The following CSMD1 variants were observed in gnomAD, a reference collection of about 807,000 sequenced individuals.
The protein encoded by CSMD1 is CUB and Sushi multiple domains 1.
CSMD1 carries 213 observed loss-of-function variants against 417.5 expected under a neutral mutation model. The observed-to-expected ratio is 0.51, with a 90% CI of 0.46 to 0.57. The LOEUF (loss-of-function observed/expected upper bound fraction) is 0.57, where lower values mean the gene tolerates loss of function less well. Ranked by LOEUF, CSMD1 falls within the 20% of genes least tolerant of loss-of-function variation. CSMD1 has a pLI of 0.00. For missense variants in CSMD1, 6,923 were observed against 4,529.7 expected, an observed-to-expected ratio of 1.53 and a Z score of -15.17; for synonymous variants, 2,862 against 1,736.8, an observed-to-expected ratio of 1.65 and a Z score of -16.11.
At chr8:4,284,946 T>C (rs897079087) in intron 3 of CSMD1, among the ~76,000 whole-genome samples, 1 of 152,176 alleles carries the variant, frequency 6.6e-6, no homozygotes, top group South Asian at 2.1e-4. Context: ...CTGTAAGACC[T>C]TGGGCAAAGT....
At chr8:3,961,523 G>C (rs982811526) in intron 5 of CSMD1, among the ~76,000 whole-genome samples, 1 of 152,080 alleles carries the variant, frequency 6.6e-6, no homozygotes, top group African/African-American at 2.4e-5. Flanking sequence ...TTCTTGCTTT[G>C]TGAAGACAAT....
chr8:3,307,662 C>G lies in CSMD1; in HGVS notation c.3950+33G>C, dbSNP rs749203685. ...CAAGAATAGAAGGCATATCTCTTTT[C>G]TCAAATCACTGAAACCAAAATAAAA... On this transcript the variant is annotated intron_variant, in intron 25 of 69. Transcript: ENST00000635120. 6.2e-6 allele frequency: 10 copies of G among 1,605,338 alleles called. No homozygotes were observed. In the East Asian group the frequency reaches 1.6e-4, roughly 25 times the overall value.
intron 3 of CSMD1, among the ~76,000 whole-genome samples, chr8:4,312,478 T>TATATATGCGCGTATATATATATAC (rs1585210339): frequency 1.4e-5 from 2 of 142,006 alleles, no homozygotes; most frequent in African/African-American, 5.7e-5. Context: ...TATATATATA[T>TATATATGCGCGTATATATATATAC]ACACATATAG....
chr8:3,973,703 C>A (rs916476425), intron 5 of CSMD1, among the ~76,000 whole-genome samples: 3 of 152,174 alleles, frequency 2.0e-5, no homozygotes, highest in Non-Finnish European at 2.9e-5. Context: ...GAATGCAAGA[C>A]CTTTATCACT....
chr8:4,216,960 T>A (rs1312977820), intron 3 of CSMD1, among the ~76,000 whole-genome samples: 4 of 152,160 alleles, frequency 2.6e-5, no homozygotes, highest in African/African-American at 9.7e-5. Flanking sequence ...TCAAAATGGC[T>A]GTCCTAGGAT....
rs148540850 is a variant in CSMD1, at chr8:4,586,569, AT to A, written c.302+50772del. 2.9e-4 allele frequency among the ~76,000 whole-genome samples: 44 copies of A among 151,928 alleles called. 1 individual carries two copies. The highest frequency in any genetic ancestry group is 1.7e-3 in the East Asian group (9 of 5,190). The stretch of plus-strand genomic sequence containing the variant: ...TTTTTATGGACGTAACCTTTTTAGC[AT>A]TTTTTTTGATGCTTTATTTTCTCTA... On this transcript the variant is annotated intron_variant, in intron 2 of 69. Transcript: ENST00000635120.
chr8:3,236,196 G>A (rs1822244), intron 26 of CSMD1, among the ~76,000 whole-genome samples: 35,969 of 151,888 alleles, frequency 0.24, 4,345 homozygotes, highest in Middle Eastern at 0.28. Context: ...GGGAATACAG[G>A]TGTGAGCCAC....
chr8:4,254,160 A>G (rs1585104123), intron 3 of CSMD1, among the ~76,000 whole-genome samples: 1 of 151,632 alleles, frequency 6.6e-6, no homozygotes, highest in Non-Finnish European at 1.5e-5. Context: ...CTGGTGATCC[A>G]CCCGCCTTGG....
At chr8:4,096,716 T>C (rs1389972369) in intron 3 of CSMD1, among the ~76,000 whole-genome samples, 2 of 152,198 alleles carry the variant, frequency 1.3e-5, no homozygotes, top group East Asian at 3.9e-4. Context: ...AATCCATAGG[T>C]AATCATCTGA....
At chr8:4,182,048 G>A (rs1200856736) in intron 3 of CSMD1, among the ~76,000 whole-genome samples, 1 of 151,648 alleles carries the variant, frequency 6.6e-6, no homozygotes, top group Non-Finnish European at 1.5e-5. Flanking sequence ...GTGTGTCGGT[G>A]TGTGTGTGTG....
intron 7 of CSMD1, among the ~76,000 whole-genome samples, chr8:3,657,399 G>T (rs1014872731): frequency 6.6e-6 from 1 of 152,008 alleles, no homozygotes; most frequent in African/African-American, 2.4e-5. Context: ...GGTATCAAAG[G>T]TCTCAGGCAG....
intron 1 of CSMD1, among the ~76,000 whole-genome samples, chr8:4,967,677 C>A (rs1374455235): frequency 1.3e-5 from 2 of 152,158 alleles, no homozygotes; most frequent in Non-Finnish European, 2.9e-5. Flanking sequence ...ATGAATCTTG[C>A]ATACATTTCT....
chr8:3,732,082 A>G (rs1216513166), intron 6 of CSMD1, among the ~76,000 whole-genome samples: 6 of 152,172 alleles, frequency 3.9e-5, no homozygotes, highest in South Asian at 4.1e-4. Flanking sequence ...AGAGCCTAAT[A>G]AAATGGATGC....
chr8:4,029,437 T>C (rs189876012), intron 4 of CSMD1, among the ~76,000 whole-genome samples: 92 of 152,250 alleles, frequency 6.0e-4, no homozygotes, highest in Non-Finnish European at 9.6e-4. Context: ...CTTATATGGA[T>C]AGCAGCAGGC....
At chr8:3,120,866 G>T (rs1413567807) in intron 41 of CSMD1, among the ~76,000 whole-genome samples, 3 of 152,030 alleles carry the variant, frequency 2.0e-5, no homozygotes, top group Non-Finnish European at 4.4e-5. Flanking sequence ...ATAACAATAT[G>T]CAATGCTAGT....
chr8:3,868,158 A>G (rs1805234978), intron 5 of CSMD1, among the ~76,000 whole-genome samples: 1 of 151,272 alleles, frequency 6.6e-6, no homozygotes, highest in South Asian at 2.1e-4. Flanking sequence ...CCCTAATTCC[A>G]CTCCACTCTG....
rs180708504 is a variant in CSMD1, at chr8:3,485,624, G to T, written c.1448+7999C>A. On this transcript the variant is annotated intron_variant, in intron 11 of 69. Transcript: ENST00000635120. The stretch of plus-strand genomic sequence containing the variant: ...CAGGAAATTAAATGAGCTGGGTGTG[G>T]TGGCGCATGCTGGTTATCCCAGCTA... Among the ~76,000 whole-genome samples the T allele has an allele frequency of 9.9e-4, 150 of 151,870 alleles. No individual in the cohort carries two copies. In the South Asian group the frequency reaches 0.015, roughly 16 times the overall value.
chr8:4,144,108 T>A (rs1207719550), intron 3 of CSMD1, among the ~76,000 whole-genome samples: 1 of 151,172 alleles, frequency 6.6e-6, no homozygotes. Flanking sequence ...TTTGAGTTAA[T>A]TGGGCTTAGG....
chr8:4,754,154 T>C (rs1018089250), intron 1 of CSMD1, among the ~76,000 whole-genome samples: 3 of 152,336 alleles, frequency 2.0e-5, no homozygotes, highest in South Asian at 2.1e-4. Context: ...TAGACACTTC[T>C]GATTGAGCAA....
Sources: gnomAD v4.1 joint callset for allele counts (sites outside exome capture counted in the v4.1 genomes callset) on GRCh38, gnomAD v4.1.1 for gene constraint, MANE v1.5 for transcripts, NCBI Gene and HGNC (gene_info 2026-07-23, HGNC 2026-07-21) for gene names.